Variants in ZPBP observed in about 807,000 individuals in gnomAD.
The protein encoded by ZPBP is zona pellucida binding protein.
A neutral mutation model predicts 44.8 loss-of-function variants in ZPBP; 26 were observed. The ratio of observed to expected loss-of-function variants is 0.58; its 90% CI spans 0.43 to 0.81. The LOEUF (loss-of-function observed/expected upper bound fraction) is 0.81, where lower values mean the gene tolerates loss of function less well. Ranked by LOEUF, ZPBP falls within the 30% of genes least tolerant of loss-of-function variation. The probability of loss-of-function intolerance (pLI) is 0.00; values close to 1 mark genes in which losing one functional copy is unlikely to be tolerated. For synonymous variants in ZPBP, 174 were observed against 153.2 expected (o/e 1.14, Z -1.00); for missense variants, 409 against 434.0 (o/e 0.94, Z 0.51).
intron 4 of ZPBP, among the ~76,000 whole-genome samples, chr7:50,046,482 A>C (rs1182197110): frequency 6.6e-6 from 1 of 152,228 alleles, no homozygotes; most frequent in Non-Finnish European, 1.5e-5. Flanking sequence ...AAAGTGGGCA[A>C]AGGACATGAA....
At chr7:49,894,869 C>T (rs1792307274) in intron 2 of ZPBP, among the ~76,000 whole-genome samples, 1 of 152,326 alleles carries the variant, frequency 6.6e-6, no homozygotes, top group African/African-American at 2.4e-5. Flanking sequence ...CTAGAGTGTG[C>T]TGGCAACTAG....
intron 4 of ZPBP, among the ~76,000 whole-genome samples, chr7:50,043,090 A>G (rs1484167702): frequency 2.0e-5 from 3 of 152,208 alleles, no homozygotes; most frequent in Non-Finnish European, 1.5e-5. Flanking sequence ...CCTAAACCAC[A>G]AACAATAGCA....
chr7:49,848,018 A>G (rs1790020694), downstream of ZPBP, among the ~76,000 whole-genome samples: 1 of 152,242 alleles, frequency 6.6e-6, no homozygotes, highest in African/African-American at 2.4e-5. Flanking sequence ...GGGCTAGCAC[A>G]GCATGTTGCT....
intron 6 of ZPBP, among the ~76,000 whole-genome samples, chr7:49,997,263 T>G (rs1400637630): frequency 6.6e-6 from 1 of 152,190 alleles, no homozygotes; most frequent in Non-Finnish European, 1.5e-5. Flanking sequence ...TTTTGACCCA[T>G]GTTTCAGCGA....
intron 1 of ZPBP, among the ~76,000 whole-genome samples, chr7:49,903,586 G>A (rs1792897004): frequency 6.6e-6 from 1 of 152,214 alleles, no homozygotes; most frequent in Non-Finnish European, 1.5e-5. Context: ...GGTTAAAGAT[G>A]GTGGGGCCAG....
At chr7:49,945,337 T>C (rs1016729633) in intron 7 of ZPBP, among the ~76,000 whole-genome samples, 1 of 152,166 alleles carries the variant, frequency 6.6e-6, no homozygotes, top group African/African-American at 2.4e-5. Flanking sequence ...GATGAAATGT[T>C]CTGTGAATAT....
intron 6 of ZPBP, among the ~76,000 whole-genome samples, chr7:50,003,713 G>A (rs1276319953): frequency 1.3e-5 from 2 of 152,028 alleles, no homozygotes; most frequent in Non-Finnish European, 1.5e-5. Context: ...TGGAGTAATT[G>A]GGGAAGTACT....
intron 2 of ZPBP, among the ~76,000 whole-genome samples, chr7:50,087,666 T>A (rs894534613): frequency 3.3e-5 from 5 of 151,976 alleles, no homozygotes; most frequent in African/African-American, 1.2e-4. Flanking sequence ...AATAAAACCA[T>A]TCATTTACAA....
intron 2 of ZPBP, among the ~76,000 whole-genome samples, chr7:49,884,154 G>A (rs1481708849): frequency 4.6e-5 from 7 of 152,352 alleles, no homozygotes; most frequent in East Asian, 1.9e-4. Flanking sequence ...CCACAGTACT[G>A]GGGCCAGTCC....
intron 1 of ZPBP, among the ~76,000 whole-genome samples, chr7:49,929,651 T>C (rs1176983999): frequency 6.6e-6 from 1 of 152,238 alleles, no homozygotes; most frequent in Non-Finnish European, 1.5e-5. Flanking sequence ...AGTTACTCTA[T>C]TCTTTCTCAT....
chr7:50,085,636 C>T (rs1024504478), intron 2 of ZPBP, among the ~76,000 whole-genome samples: 5 of 152,110 alleles, frequency 3.3e-5, no homozygotes, highest in African/African-American at 1.2e-4. Flanking sequence ...GCTGCCCGTA[C>T]TTGACCTGAT....
At chr7:49,953,146 G>A (rs1272390520) in intron 7 of ZPBP, among the ~76,000 whole-genome samples, 1 of 152,086 alleles carries the variant, frequency 6.6e-6, no homozygotes. Flanking sequence ...GAACTAAGGT[G>A]GAGCCCAGCA....
chr7:49,932,611 G>C (rs984214464), downstream of ZPBP, among the ~76,000 whole-genome samples: 15 of 152,186 alleles, frequency 9.9e-5, no homozygotes, highest in African/African-American at 3.6e-4. Flanking sequence ...GACTTGCCTT[G>C]TCTCAGATTG....
At chr7:49,974,607 G>A (rs1366877255) in intron 7 of ZPBP, among the ~76,000 whole-genome samples, 1 of 152,024 alleles carries the variant, frequency 6.6e-6, no homozygotes, top group Non-Finnish European at 1.5e-5. Context: ...CTCTCCCTTA[G>A]AGTAGAATTA....
chr7:49,844,919 G>A, the ZPBP span, among the ~76,000 whole-genome samples: 3 of 152,116 alleles, frequency 2.0e-5, no homozygotes, highest in Non-Finnish European at 2.9e-5. Flanking sequence ...CTGACCCCAG[G>A]TGATCTGCCC....
intron 2 of ZPBP, among the ~76,000 whole-genome samples, chr7:49,870,049 T>C (rs1250126716): frequency 2.0e-5 from 3 of 152,198 alleles, no homozygotes; most frequent in Non-Finnish European, 4.4e-5. Flanking sequence ...AACCGATCTA[T>C]GGTGGTAGAA....
At chr7:50,092,897 G>A (rs1803063185) in intron 1 of ZPBP, 171 bp downstream of exon 1, 3 of 1,005,180 alleles carry the variant, frequency 3.0e-6, no homozygotes, top group African/African-American at 1.7e-5. Flanking sequence ...CTATGCAAAT[G>A]CAGAGTGACT....
At chr7:49,890,458 C>G (rs925776119) in intron 2 of ZPBP, among the ~76,000 whole-genome samples, 1 of 152,044 alleles carries the variant, frequency 6.6e-6, no homozygotes, top group Non-Finnish European at 1.5e-5. Context: ...TTTTACAGAC[C>G]AATAAATCCA....
At chr7:49,919,379 C>T (rs1329014524) in intron 1 of ZPBP, 5 of 152,134 alleles carry the variant, frequency 3.3e-5, no homozygotes, top group Admixed American at 3.3e-4. Context: ...AAGTCATAAA[C>T]TTACATCAGT....
Sources: allele counts gnomAD v4.1 joint callset (sites outside exome capture counted in the v4.1 genomes callset), GRCh38; gene constraint gnomAD v4.1.1; transcripts MANE v1.5; gene names NCBI Gene and HGNC (gene_info 2026-07-23, HGNC 2026-07-21).